CWH43: variants seen among roughly 807,000 people sequenced by gnomAD.
The protein encoded by CWH43 is PGAP2-interacting protein.
A neutral mutation model predicts 85.7 loss-of-function variants in CWH43; 91 were observed. The ratio of observed to expected loss-of-function variants is 1.06; its 90% CI spans 0.90 to 1.26. CWH43 has a LOEUF of 1.26. CWH43 is among the 50% of genes most tolerant of loss of function. The pLI is 0.00. For synonymous variants in CWH43, 323 were observed against 293.6 expected (o/e 1.10, Z -1.02); for missense variants, 869 against 839.2 (o/e 1.04, Z -0.44).
In CWH43 at chr4:49,032,589, C is replaced by T. The variant is rs202103723; in HGVS notation, c.1532C>T (p.Pro511Leu). The T allele has an allele frequency of 3.1e-6, 5 of 1,613,950 alleles. No homozygotes were observed. The highest frequency in any genetic ancestry group is 4.2e-6 in the Non-Finnish European group (5 of 1,179,926). ...TWGIMALSRY[P>L]IVKSEHHLLP... The stretch of plus-strand genomic sequence containing the variant: ...AGGATTATGGCTTTGTCAAGATACC[C>T]AATTGTGAAATCTGAGCATCACCTT... The change falls in exon 12 of 16, where the codon CCA becomes CTA. Residue 511 changes from proline (P) to leucine (L), a missense_variant. By Grantham distance (98) the Pro-to-Leu change is moderately conservative. Around this residue, in one of 3 missense-constraint regions of CWH43, gnomAD observed 577 missense variants for 513.1 expected, o/e 1.12. Transcript: ENST00000226432.
At chr4:49,020,412 C>CATATATATAT (rs1421769377) in intron 9 of CWH43, among the ~76,000 whole-genome samples, 5 of 115,328 alleles carry the variant, frequency 4.3e-5, no homozygotes, top group African/African-American at 1.4e-4. Flanking sequence ...CACACACACA[C>CATATATATAT]ACACATATAT....
intron 2 of CWH43, among the ~76,000 whole-genome samples, chr4:48,989,884 TTAAC>T (rs1358005045): frequency 1.3e-5 from 2 of 152,254 alleles, no homozygotes; most frequent in Admixed American, 6.5e-5. Flanking sequence ...TTTCCTACCC[TTAAC>T]TGAGTAAATA....
Position 48,992,181 on chromosome 4 carries a change from G to T in CWH43, c.511+91G>T, listed in dbSNP as rs1459956629. On this transcript the variant is annotated intron_variant, in intron 4 of 15. Coordinates refer to ENST00000226432, the MANE Select transcript of CWH43 (RefSeq NM_025087.3). This position sits in a 1 kb window ranked among gnomAD's most constrained non-coding sequence, Gnocchi z 4.3. ...CTTGGAAAGAAAATCTATAAAAGTA[G>T]TCTTTCTGCATTATATCTATATTTC... 1.8e-6 allele frequency: 2 copies of T among 1,115,110 alleles called. No homozygotes were observed. Among genetic ancestry groups the T allele is most frequent in the African/African-American group, 1.5e-5 (1 of 64,910 alleles). The allele number at this position is 1,115,110 out of a possible 1,614,324, so 69.1% of individuals were successfully genotyped here.
chr4:49,000,324 C>T (rs987090379), intron 6 of CWH43, among the ~76,000 whole-genome samples: 1 of 152,156 alleles, frequency 6.6e-6, no homozygotes, highest in African/African-American at 2.4e-5. Flanking sequence ...TTGGCCAGGT[C>T]CTCTTCCTCC....
chr4:48,998,503 T>A lies in CWH43; in HGVS notation c.757T>A (p.Ser253Thr), dbSNP rs1782887475. Residue 253 changes from serine (S) to threonine (T), a missense_variant, in exon 6 of 16, where the codon TCT becomes ACT. Physicochemically the swap from Ser to Thr is moderately conservative, Grantham distance 58. Around this residue, in one of 3 missense-constraint regions of CWH43, gnomAD observed 152 missense variants for 203.6 expected, o/e 0.75. Coordinates refer to ENST00000226432, the MANE Select transcript of CWH43 (RefSeq NM_025087.3). ...CTTGGCAAGTGGATTGATGCTTCCA[T>A]CTTGTTTGTGGTTTCGTGGTACTGG... is the stretch of plus-strand genomic sequence containing the variant. ...LCLASGLMLP[S>T]CLWFRGTGLI... 6.2e-7 allele frequency: 1 copy of A among 1,613,998 alleles called. No homozygotes were observed. The highest frequency in any genetic ancestry group is 1.1e-5 in the South Asian group (1 of 91,086).
chr4:49,031,740 G>C (rs549022779), intron 11 of CWH43, among the ~76,000 whole-genome samples: 11 of 152,220 alleles, frequency 7.2e-5, no homozygotes, highest in African/African-American at 2.4e-4. Context: ...GGTGAGAAGA[G>C]GACAAACTCA....
intron 11 of CWH43, 191 bp downstream of exon 11, chr4:49,031,151 C>T (rs1577690082): frequency 3.9e-6 from 2 of 517,390 alleles, no homozygotes; most frequent in African/African-American, 2.0e-5. Flanking sequence ...CTGGATATTT[C>T]CAGTTCTTCA....
chr4:48,988,368 T>G, intron 1 of CWH43, 109 bp from the exon 2 acceptor site: 1 of 754,440 alleles, frequency 1.3e-6, no homozygotes, highest in South Asian at 2.1e-5. Context: ...CAGGCCAGAG[T>G]CATGAAGAAG....
intron 12 of CWH43, 114 bp downstream of exon 12, chr4:49,032,829 G>T (rs1379833067): frequency 2.0e-5 from 26 of 1,307,804 alleles, no homozygotes; most frequent in African/African-American, 1.5e-4. Context: ...ACCTCCCAAA[G>T]TATTTCTCCC....
intron 9 of CWH43, among the ~76,000 whole-genome samples, chr4:49,024,841 T>A (rs1272702140): frequency 6.6e-6 from 1 of 152,148 alleles, no homozygotes; most frequent in Non-Finnish European, 1.5e-5. Flanking sequence ...GGTAGTGATC[T>A]TTTTGCAATG....
intron 5 of CWH43, among the ~76,000 whole-genome samples, chr4:48,996,290 T>C (rs1782810111): frequency 1.5e-5 from 2 of 133,556 alleles, no homozygotes; most frequent in African/African-American, 2.6e-5. Context: ...ATATGTGTTA[T>C]ATATGTGTAC....
chr4:49,025,121 C>A (rs1453036077), intron 9 of CWH43, among the ~76,000 whole-genome samples: 1 of 151,736 alleles, frequency 6.6e-6, no homozygotes, highest in Non-Finnish European at 1.5e-5. Flanking sequence ...GAAGTTTTTT[C>A]TTCTATTTGT....
intron 8 of CWH43, among the ~76,000 whole-genome samples, chr4:49,013,533 G>A (rs2109777652): frequency 6.6e-6 from 1 of 152,344 alleles, no homozygotes; most frequent in East Asian, 1.9e-4. Context: ...GATGAACCAG[G>A]TACCTCAGTT....
chr4:49,017,961 AG>A (rs1218166529), intron 9 of CWH43, among the ~76,000 whole-genome samples: 3 of 151,788 alleles, frequency 2.0e-5, no homozygotes, highest in African/African-American at 7.3e-5. Flanking sequence ...CAGCCTCCTG[AG>A]TAGCTGGGAC....
At chr4:49,057,857 A>G (rs1211208438) in intron 15 of CWH43, among the ~76,000 whole-genome samples, 1 of 152,154 alleles carries the variant, frequency 6.6e-6, no homozygotes, top group Non-Finnish European at 1.5e-5. Flanking sequence ...GCACTTTAGT[A>G]TAATGACCTT....
At chr4:48,987,205 A>C (rs1782522191) in intron 1 of CWH43, among the ~76,000 whole-genome samples, 1 of 152,084 alleles carries the variant, frequency 6.6e-6, no homozygotes, top group East Asian at 1.9e-4. Flanking sequence ...GGAGCTGGTA[A>C]TTCTCGGGAG....
chr4:49,010,790 G>A (rs1015308502), intron 8 of CWH43, among the ~76,000 whole-genome samples: 4 of 152,136 alleles, frequency 2.6e-5, no homozygotes, highest in African/African-American at 9.7e-5. Flanking sequence ...GTGGTTTTGG[G>A]TGAGTTTCTT....
chr4:48,991,505 T>C lies in CWH43; in HGVS notation c.287T>C (p.Leu96Pro). The C allele has an allele frequency of 6.2e-7, 1 of 1,614,080 alleles. No homozygotes were observed. The change falls in exon 3 of 16, where the codon CTT becomes CCT. Residue 96 changes from leucine to proline, a missense_variant. By Grantham distance (98) the Leu-to-Pro change is moderately conservative. Transcript: ENST00000226432. ...AATGCCAAACTTCGACTGATGGTTC[T>C]TGCGCTTGGGGTGTCTTCCTCACTG... Reference protein sequence around the residue: ...APNAKLRLMVLALGVSSSLIV... With the variant: ...APNAKLRLMVPALGVSSSLIV...
chr4:49,048,305 GTA>G lies in CWH43; in HGVS notation c.1866-2378_1866-2377del, dbSNP rs202097290. On this transcript the variant is annotated intron_variant, in intron 14 of 15. Transcript: ENST00000226432. ...ATATATATATACACACTCTGTGTGT[GTA>G]TATATATATACACTCTGTGTGTATC... is the stretch of plus-strand genomic sequence containing the variant. Among the ~76,000 whole-genome samples the G allele has an allele frequency of 8.3e-3, 1,233 of 149,340 alleles. 12 individuals are homozygous for G. Among genetic ancestry groups the G allele is most frequent in the Middle Eastern group, 0.026 (7 of 270 alleles).
Sources: allele counts gnomAD v4.1 joint callset (sites outside exome capture counted in the v4.1 genomes callset), GRCh38; gene constraint gnomAD v4.1.1; regional missense constraint gnomAD v4.1.1; non-coding constraint Gnocchi (gnomAD v3.1); transcripts MANE v1.5; gene names NCBI Gene and HGNC (gene_info 2026-07-23, HGNC 2026-07-21).